Variants in ARHGEF26 observed in about 807,000 individuals in gnomAD.
The protein encoded by ARHGEF26 is Rho guanine nucleotide exchange factor 26.
Under a neutral mutation model 89.4 loss-of-function variants are expected in ARHGEF26, and 59 were observed. That is an observed-to-expected ratio of 0.66 (90% confidence interval 0.54 to 0.82). ARHGEF26 has a LOEUF of 0.82. Among genes scored for constraint, ARHGEF26 ranks in the 40% least tolerant of loss-of-function variants. The pLI, the probability that ARHGEF26 is intolerant of heterozygous loss-of-function variation, is 0.00. For synonymous variants in ARHGEF26, 500 were observed against 428.4 expected, an observed-to-expected ratio of 1.17 and a Z score of -2.06; for missense variants, 1,234 against 1,085.6, an observed-to-expected ratio of 1.14 and a Z score of -1.92.
chr3:154,187,617 A>C (rs1349647726), intron 6 of ARHGEF26, 68 bp from the exon 7 acceptor site: 15 of 1,345,252 alleles, frequency 1.1e-5, no homozygotes, highest in Middle Eastern at 2.6e-4. Flanking sequence ...ACATTACATG[A>C]GGCTAATCTG....
chr3:154,143,771 A>G (rs1007123605), intron 4 of ARHGEF26, among the ~76,000 whole-genome samples: 1 of 152,204 alleles, frequency 6.6e-6, no homozygotes, highest in Non-Finnish European at 1.5e-5. Flanking sequence ...GTCTTCGGTT[A>G]AATTATAGAA....
chr3:154,122,038 C>G lies in ARHGEF26; in HGVS notation c.46C>G (p.Pro16Ala). Residue 16 changes from proline to alanine, a missense_variant, in exon 2 of 15, where the codon CCT (proline) becomes GCT (alanine). Coordinates refer to ENST00000465093, the MANE Select transcript of ARHGEF26 (RefSeq NM_015595.4). ...EVDFSSNSIT[P>A]LWRRRSIPQP... ...GGATTTTTCTAGCAACAGCATAACC[C>G]CTTTGTGGCGGAGGCGGTCGATTCC... The G allele has an allele frequency of 6.2e-7, 1 of 1,611,486 alleles. No homozygotes were observed. The highest frequency in any genetic ancestry group is 8.5e-7 in the Non-Finnish European group (1 of 1,177,946).
chr3:154,254,602 C>T, intron 13 of ARHGEF26, 118 bp from the exon 14 acceptor site: 1 of 732,962 alleles, frequency 1.4e-6, no homozygotes, highest in Non-Finnish European at 2.3e-6. Context: ...AGAAGCCCAA[C>T]TTGTTTCTCT....
chr3:154,148,185 C>A (rs528677244), intron 4 of ARHGEF26, among the ~76,000 whole-genome samples: 1 of 152,156 alleles, frequency 6.6e-6, no homozygotes, highest in Non-Finnish European at 1.5e-5. Flanking sequence ...GGCAGCCAGC[C>A]ATGAGGAGCC....
At chr3:154,179,020 A>G (rs540270059) in intron 6 of ARHGEF26, among the ~76,000 whole-genome samples, 2 of 152,184 alleles carry the variant, frequency 1.3e-5, no homozygotes, top group Admixed American at 6.5e-5. Flanking sequence ...GGCCCAGGCT[A>G]TGTTTATAAT....
chr3:154,232,633 A>C (rs1559916291), intron 11 of ARHGEF26, among the ~76,000 whole-genome samples: 1 of 152,198 alleles, frequency 6.6e-6, no homozygotes, highest in African/African-American at 2.4e-5. Flanking sequence ...AAATAAAAAA[A>C]ATAGCTGACA....
At chr3:154,135,456 A>C (rs1398249909) in intron 4 of ARHGEF26, among the ~76,000 whole-genome samples, 2 of 152,120 alleles carry the variant, frequency 1.3e-5, no homozygotes, top group African/African-American at 4.8e-5. Context: ...TAATGGTCGT[A>C]GTTCCCAGTT....
upstream of ARHGEF26, chr3:154,121,324 G>C (rs1023989742): frequency 6.6e-6 from 1 of 152,178 alleles, no homozygotes; most frequent in Non-Finnish European, 1.5e-5. Flanking sequence ...CTGCGATGGA[G>C]GCGGATCTGG....
At chr3:154,232,920 TG>T in intron 11 of ARHGEF26, among the ~76,000 whole-genome samples, 1 of 151,862 alleles carries the variant, frequency 6.6e-6, no homozygotes, top group Admixed American at 6.6e-5. Context: ...CTCCAACTCC[TG>T]GGTTCAAGCG....
Position 154,123,094 on chromosome 3 carries a change from G to C in ARHGEF26, c.1083+19G>C. 1 of 1,611,594 alleles carries C rather than the reference G, an allele frequency of 6.2e-7. No homozygotes were observed. The highest frequency in any genetic ancestry group is 8.5e-7 in the Non-Finnish European group (1 of 1,178,080). ...GATAAAGGTAAAAGTGGGCAGGAGTGTGGCACGCCATTCACTAAGCGGAAA... is the reference window on the plus strand; with the variant it reads ...GATAAAGGTAAAAGTGGGCAGGAGTCTGGCACGCCATTCACTAAGCGGAAA... On this transcript the variant is annotated intron_variant, in intron 2 of 14. Transcript: ENST00000465093.
At chr3:154,168,037 A>G (rs531300663) in intron 6 of ARHGEF26, among the ~76,000 whole-genome samples, 2 of 152,350 alleles carry the variant, frequency 1.3e-5, no homozygotes, top group South Asian at 2.1e-4. Context: ...TTATCTTAGT[A>G]AGCCATGTGG....
chr3:154,171,607 T>C (rs936332558), intron 6 of ARHGEF26, among the ~76,000 whole-genome samples: 9 of 152,200 alleles, frequency 5.9e-5, no homozygotes, highest in African/African-American at 1.9e-4. Flanking sequence ...CTGTTGAGTT[T>C]TGCAGTAGTT....
intron 7 of ARHGEF26, among the ~76,000 whole-genome samples, chr3:154,189,963 C>T (rs1713844972): frequency 2.0e-5 from 3 of 151,910 alleles, no homozygotes; most frequent in Admixed American, 2.0e-4. Context: ...TTCTGGCATT[C>T]TCCCCCTCCC....
At chr3:154,188,670 G>C (rs1259222953) in intron 7 of ARHGEF26, among the ~76,000 whole-genome samples, 1 of 152,152 alleles carries the variant, frequency 6.6e-6, no homozygotes, top group Non-Finnish European at 1.5e-5. Flanking sequence ...CCACGGCATG[G>C]AGCTTCGGTC....
chr3:154,251,665 A>G (rs1435870958), intron 12 of ARHGEF26, among the ~76,000 whole-genome samples: 1 of 152,204 alleles, frequency 6.6e-6, no homozygotes, highest in Non-Finnish European at 1.5e-5. Flanking sequence ...AGGAGCCCCC[A>G]CTGGAGGAAG....
At chr3:154,250,229 A>T (rs966317062) in intron 12 of ARHGEF26, among the ~76,000 whole-genome samples, 5 of 152,086 alleles carry the variant, frequency 3.3e-5, no homozygotes, top group African/African-American at 4.8e-5. Flanking sequence ...GGGTTTCTCC[A>T]TGTTGGTCAG....
chr3:154,156,302 A>G (rs1445132047), intron 6 of ARHGEF26, among the ~76,000 whole-genome samples: 1 of 152,118 alleles, frequency 6.6e-6, no homozygotes, highest in Non-Finnish European at 1.5e-5. Context: ...GTCATTTACA[A>G]AATTCATTTA....
intron 6 of ARHGEF26, among the ~76,000 whole-genome samples, chr3:154,185,143 C>G (rs570607491): frequency 1.3e-5 from 2 of 152,270 alleles, no homozygotes; most frequent in South Asian, 2.1e-4. Context: ...ACTCACCATA[C>G]TTCTGACACC....
intron 9 of ARHGEF26, among the ~76,000 whole-genome samples, chr3:154,207,639 C>T (rs1189865241): frequency 1.3e-5 from 2 of 152,132 alleles, no homozygotes. Flanking sequence ...TGCTTTTACA[C>T]TATTGGTGGG....
Sources: allele counts gnomAD v4.1 joint callset (sites outside exome capture counted in the v4.1 genomes callset), GRCh38; gene constraint gnomAD v4.1.1; transcripts MANE v1.5; gene names NCBI Gene and HGNC (gene_info 2026-07-23, HGNC 2026-07-21).